ZNF536: variants seen among roughly 807,000 people sequenced by gnomAD.
The protein encoded by ZNF536 is zinc finger protein 536.
A neutral mutation model predicts 84.5 loss-of-function variants in ZNF536; 13 were observed. The ratio of observed to expected loss-of-function variants is 0.15; its 90% confidence interval spans 0.10 to 0.24. The LOEUF (loss-of-function observed/expected upper bound fraction) is 0.24. Among genes scored for constraint, ZNF536 ranks in the 10% least tolerant of loss-of-function variants. The pLI is 1.00. For synonymous variants in ZNF536, 811 were observed against 742.5 expected (o/e 1.09, Z -1.50); for missense variants, 1,536 against 1,747.5 (o/e 0.88, Z 2.16).
chr19:30,592,990 T>C (rs1298987987), intron 1 of ZNF536, among the ~76,000 whole-genome samples: 2 of 152,248 alleles, frequency 1.3e-5, no homozygotes, highest in African/African-American at 4.8e-5. Flanking sequence ...GTCCAGCATC[T>C]TCTCCCATAT....
At chr19:30,434,907 ATGATGC>A (rs58216565) in intron 1 of ZNF536, among the ~76,000 whole-genome samples, 111,394 of 149,900 alleles carry the variant, frequency 0.74, 41,569 homozygotes, top group African/African-American at 0.79. Context: ...GATGATGGTG[ATGATGC>A]TGATGCTGAT....
intron 1 of ZNF536, among the ~76,000 whole-genome samples, chr19:30,694,847 C>T (rs1178232632): frequency 6.6e-6 from 1 of 152,006 alleles, no homozygotes; most frequent in African/African-American, 2.4e-5. Context: ...CAGGGTGGGC[C>T]GTGCCATCCC....
At chr19:30,669,867 G>C (rs912706013) in intron 1 of ZNF536, among the ~76,000 whole-genome samples, 1 of 152,236 alleles carries the variant, frequency 6.6e-6, no homozygotes, top group Non-Finnish European at 1.5e-5. Flanking sequence ...TGCACGAATA[G>C]AGCGTCTGCT....
chr19:30,482,164 C>T (rs1349893709), intron 2 of ZNF536, among the ~76,000 whole-genome samples: 3 of 151,986 alleles, frequency 2.0e-5, no homozygotes, highest in African/African-American at 7.3e-5. Flanking sequence ...GTGTCTTTTT[C>T]ATGTAATGAC....
intron 2 of ZNF536, among the ~76,000 whole-genome samples, chr19:30,451,548 T>C (rs978041960): frequency 6.6e-6 from 1 of 152,226 alleles, no homozygotes; most frequent in Non-Finnish European, 1.5e-5. Context: ...AGAGGGTACT[T>C]GCACAGGCTC....
At chr19:30,273,237 C>T (rs925091017) in intron 1 of ZNF536, among the ~76,000 whole-genome samples, 6 of 151,702 alleles carry the variant, frequency 4.0e-5, no homozygotes, top group Non-Finnish European at 7.4e-5. Flanking sequence ...GTGTGTATAC[C>T]TAAGTTTCCA....
intron 2 of ZNF536, among the ~76,000 whole-genome samples, chr19:30,305,453 T>C (rs1230174672): frequency 6.6e-6 from 1 of 152,142 alleles, no homozygotes; most frequent in Non-Finnish European, 1.5e-5. Flanking sequence ...AATGGAGGTG[T>C]GATCTGAGCG....
At position 30,446,812 on chromosome 19, in the gene ZNF536, A is replaced by AAACAAC. The variant is rs141206450; in HGVS notation, c.2170+1104_2170+1109dup. Among the ~76,000 whole-genome samples the AAACAAC allele has an allele frequency of 4.9e-3, 431 of 87,688 alleles. 1 individual carries two copies. The highest frequency in any genetic ancestry group is 0.011 in the African/African-American group (312 of 27,268). 57.5% of individuals were successfully genotyped at this position (87,688 alleles called of 152,430 possible). ...CTGGCCCAGTTTAAAAAAAAAACCA[A>AAACAAC]AACAACAACAACAACAACAACAACA... On this transcript the variant is annotated intron_variant, in intron 2 of 4. Transcript: ENST00000355537.
At chr19:30,630,557 C>T (rs561413418) in intron 1 of ZNF536, among the ~76,000 whole-genome samples, 19 of 152,308 alleles carry the variant, frequency 1.2e-4, no homozygotes, top group African/African-American at 4.6e-4. Flanking sequence ...GCTGGGCCTC[C>T]GTTTCAGCCC....
intron 1 of ZNF536, among the ~76,000 whole-genome samples, chr19:30,566,924 T>G (rs1028447672): frequency 7.1e-6 from 1 of 140,780 alleles, no homozygotes; most frequent in African/African-American, 2.7e-5. Context: ...GTGGCCTCTC[T>G]GGGCAGTGGA....
At chr19:30,651,689 C>A (rs1005589634) in intron 1 of ZNF536, among the ~76,000 whole-genome samples, 1 of 152,162 alleles carries the variant, frequency 6.6e-6, no homozygotes, top group Non-Finnish European at 1.5e-5. Context: ...AAGAGAGGAT[C>A]TCCTTTTGAA....
At chr19:30,247,187 G>C (rs1171372888) in intron 1 of ZNF536, among the ~76,000 whole-genome samples, 4 of 152,216 alleles carry the variant, frequency 2.6e-5, no homozygotes, top group African/African-American at 9.6e-5. Flanking sequence ...TGTATTCAAG[G>C]GCACCCCCGG....
At chr19:30,237,616 A>T (rs1321390290) in intron 1 of ZNF536, among the ~76,000 whole-genome samples, 1 of 152,216 alleles carries the variant, frequency 6.6e-6, no homozygotes, top group East Asian at 1.9e-4. Flanking sequence ...GAGTAACATG[A>T]GGAAACTTTG....
intron 2 of ZNF536, among the ~76,000 whole-genome samples, chr19:30,339,235 C>T (rs532696935): frequency 1.8e-4 from 28 of 152,252 alleles, no homozygotes; most frequent in East Asian, 1.9e-4. Context: ...CAGCCTGCCT[C>T]GGAGTCCACA....
At chr19:30,606,902 A>G (rs530960132) in intron 1 of ZNF536, among the ~76,000 whole-genome samples, 2 of 152,212 alleles carry the variant, frequency 1.3e-5, no homozygotes, top group East Asian at 1.9e-4. Context: ...GAATCATGGA[A>G]CACTGGGGGC....
chr19:30,569,808 G>A (rs1465225324), intron 1 of ZNF536, among the ~76,000 whole-genome samples: 1 of 151,948 alleles, frequency 6.6e-6, no homozygotes, highest in African/African-American at 2.4e-5. Flanking sequence ...CTGGCCTCAA[G>A]TGATCTACCC....
intron 2 of ZNF536, among the ~76,000 whole-genome samples, chr19:30,514,182 A>G (rs2055537411): frequency 6.6e-6 from 1 of 152,232 alleles, no homozygotes; most frequent in African/African-American, 2.4e-5. Flanking sequence ...CACAGACCTC[A>G]GACACACCCC....
intron 1 of ZNF536, among the ~76,000 whole-genome samples, chr19:30,423,251 C>T (rs577532442): frequency 2.0e-5 from 3 of 152,090 alleles, no homozygotes; most frequent in African/African-American, 7.2e-5. Context: ...ATTCACATAT[C>T]CATCCATCCA....
At chr19:30,375,695 T>C (rs958723156) in intron 1 of ZNF536, among the ~76,000 whole-genome samples, 1 of 152,234 alleles carries the variant, frequency 6.6e-6, no homozygotes, top group Non-Finnish European at 1.5e-5. Context: ...CAGGCTGGAA[T>C]GTGCCGGCGT....
Sources: allele counts gnomAD v4.1 joint callset (sites outside exome capture counted in the v4.1 genomes callset), GRCh38; gene constraint gnomAD v4.1.1; transcripts MANE v1.5; gene names NCBI Gene and HGNC (gene_info 2026-07-23, HGNC 2026-07-21).